ERC1: variants seen among roughly 807,000 people sequenced by gnomAD.
ERC1 encodes RAB6 interacting protein 2.
Under a neutral mutation model 132.0 loss-of-function variants are expected in ERC1, and 56 were observed. The observed-to-expected ratio is 0.42, with a 90% CI of 0.34 to 0.53. ERC1 has a LOEUF of 0.53. Among genes scored for constraint, ERC1 ranks in the 20% least tolerant of loss-of-function variants. ERC1 has a pLI of 0.03. For synonymous variants in ERC1, 478 were observed against 476.1 expected (o/e 1.00, Z -0.05); for missense variants, 1,202 against 1,349.9 (o/e 0.89, Z 1.72).
chr12:1,341,828 T>C (rs975862775), intron 15 of ERC1, among the ~76,000 whole-genome samples: 1 of 152,184 alleles, frequency 6.6e-6, no homozygotes, highest in Non-Finnish European at 1.5e-5. Context: ...AAAAGAAACT[T>C]GAAGCTTTGG....
At chr12:1,374,793 AG>A (rs1227773794) in intron 16 of ERC1, among the ~76,000 whole-genome samples, 4 of 147,480 alleles carry the variant, frequency 2.7e-5, no homozygotes, top group Admixed American at 2.7e-4. Flanking sequence ...GATGTGTTAT[AG>A]GCAGGCTGGG....
chr12:1,365,461 A>T lies in ERC1; in HGVS notation c.2781-6372A>T, dbSNP rs1007834972. ...GGTGCAGTTGGTTCAAGATACATTC[A>T]TTATGAGCCTACTCTGTGCTGGGAA... On this transcript the variant is annotated intron_variant, in intron 15 of 18. Transcript: ENST00000360905. 1.2e-4 allele frequency among the ~76,000 whole-genome samples: 18 copies of T among 152,354 alleles called. 1 individual carries two copies. The highest frequency in any genetic ancestry group is 4.3e-4 in the African/African-American group (18 of 41,582).
At position 1,266,391 on chromosome 12, in the gene ERC1, C is replaced by CTTTTTTTTTTTTTTTTTTTTTT. The variant is rs71293128; in HGVS notation, c.2619+3236_2619+3257dup. 4.7e-5 allele frequency among the ~76,000 whole-genome samples: 2 copies of CTTTTTTTTTTTTTTTTTTTTTT among 42,994 alleles called. 1 individual carries two copies. The allele number at this position is 42,994 out of a possible 152,430, so 28.2% of individuals were successfully genotyped here. On this transcript the variant is annotated intron_variant, in intron 14 of 18. Coordinates refer to ENST00000360905, the MANE Select transcript of ERC1 (RefSeq NM_178040.4). ...TATTATTATTTTTATCGTTTCCTGT[C>CTTTTTTTTTTTTTTTTTTTTTT]TTTTTTTTTTTTTTTTTTTTTTTTT...
chr12:1,317,570 A>G (rs1240278224), intron 15 of ERC1, among the ~76,000 whole-genome samples: 2 of 151,918 alleles, frequency 1.3e-5, no homozygotes, highest in Admixed American at 6.6e-5. Context: ...AGTAAATCCA[A>G]AAAAAAATTG....
At chr12:1,182,141 C>T in intron 10 of ERC1, 76 bp downstream of exon 10, 3 of 1,375,464 alleles carry the variant, frequency 2.2e-6, no homozygotes, top group Non-Finnish European at 3.0e-6. Flanking sequence ...TTACATAATG[C>T]ATATAAAAAA....
At chr12:1,046,091 G>T (rs1326566473) in intron 2 of ERC1, among the ~76,000 whole-genome samples, 1 of 152,102 alleles carries the variant, frequency 6.6e-6, no homozygotes, top group African/African-American at 2.4e-5. Context: ...CAGAAAAAAA[G>T]TGGGGGAGAC....
chr12:1,199,652 C>T (rs1002873208), intron 12 of ERC1, among the ~76,000 whole-genome samples: 11 of 152,092 alleles, frequency 7.2e-5, no homozygotes, highest in African/African-American at 2.2e-4. Context: ...GTGGCAGGCA[C>T]CTGTAATCCC....
chr12:1,182,325 G>C (rs1954572463), intron 10 of ERC1, among the ~76,000 whole-genome samples: 1 of 152,160 alleles, frequency 6.6e-6, no homozygotes, highest in African/African-American at 2.4e-5. Flanking sequence ...TAGACCTAAA[G>C]TAACTGAAGC....
In ERC1 at chr12:991,283, C is replaced by CCGGGCGGCGGCGG. The variant is rs1479155394; in HGVS notation, c.-196_-195insCGGGCGGCGGCGG. ...GCGGTAGTGGCGGCGGCGGCGGTGCCTGGGCGGCAGCAGCAGCAGTAGCGG... is the reference window on the plus strand; with the variant it reads ...GCGGTAGTGGCGGCGGCGGCGGTGCCCGGGCGGCGGCGGTGGGCGGCAGCAGCAGCAGTAGCGG... On this transcript the variant is annotated 5_prime_UTR_variant, in exon 1 of 19. Transcript: ENST00000360905. 1.1e-5 allele frequency: 1 copy of CCGGGCGGCGGCGG among 87,130 alleles called. No individual in the cohort carries two copies. The highest frequency in any genetic ancestry group is 2.1e-5 in the Non-Finnish European group (1 of 48,770). The allele number at this position is 87,130 out of a possible 1,614,324, so 5.4% of individuals were successfully genotyped here. A position where few individuals can be genotyped will look rare whatever the true frequency, so the allele number is the denominator to read the frequency against.
At chr12:1,058,013 T>G (rs1593004197) in intron 2 of ERC1, among the ~76,000 whole-genome samples, 2 of 152,238 alleles carry the variant, frequency 1.3e-5, no homozygotes, top group East Asian at 1.9e-4. Flanking sequence ...TTTTTTTGTT[T>G]TGTTTTGTTT....
rs1322495599 is a variant in ERC1 at position 1,280,604 on chromosome 12, T to A, written c.2620-9248T>A. Among the ~76,000 whole-genome samples, 3 of 152,180 alleles carry A rather than the reference T, an allele frequency of 2.0e-5. No individual in the cohort carries two copies. The East Asian group carries it at 5.8e-4, about 29-fold the overall frequency. ...GAAGAAATTATTATCCCCACAAGTA[T>A]CCACTCACCACCTCACATTGAGATA... On this transcript the variant is annotated intron_variant, in intron 14 of 18. Transcript: ENST00000360905.
At chr12:1,349,660 TAAAAAAAAAAA>T (rs57752848) in intron 15 of ERC1, among the ~76,000 whole-genome samples, 1 of 107,636 alleles carries the variant, frequency 9.3e-6, no homozygotes, top group Non-Finnish European at 2.0e-5. Flanking sequence ...TGAGACCGTC[TAAAAAAAAAAA>T]AAAAAAAAAG....
chr12:1,125,834 AAAAC>A (rs1316511697), intron 7 of ERC1, among the ~76,000 whole-genome samples: 8 of 152,234 alleles, frequency 5.3e-5, no homozygotes, highest in Non-Finnish European at 8.8e-5. Context: ...ACAAACAAAA[AAAAC>A]AAACAGTATT....
At chr12:1,420,439 T>A (rs909496780) in intron 17 of ERC1, among the ~76,000 whole-genome samples, 4 of 150,476 alleles carry the variant, frequency 2.7e-5, no homozygotes, top group East Asian at 1.9e-4. Flanking sequence ...GTTAAACTTT[T>A]TTTTATTTTA....
chr12:1,161,261 G>A (rs1593837877), intron 8 of ERC1, among the ~76,000 whole-genome samples: 1 of 152,142 alleles, frequency 6.6e-6, no homozygotes, highest in East Asian at 1.9e-4. Flanking sequence ...AGCCCTGTAT[G>A]AAAGGAGTCT....
chr12:1,485,357 A>G (rs111368120), intron 18 of ERC1, among the ~76,000 whole-genome samples: 2,489 of 151,654 alleles, frequency 0.016, 80 homozygotes, highest in African/African-American at 0.057. Flanking sequence ...GGCGCCCGCC[A>G]CCACGCCTGG....
rs1374083254 is a variant in ERC1 at position 1,225,450 on chromosome 12, ACACACACACACAC to A, written c.2352-11318_2352-11306del. On this transcript the variant is annotated intron_variant, in intron 12 of 18. Coordinates refer to ENST00000360905, the MANE Select transcript of ERC1 (RefSeq NM_178040.4). ...GGACAACAAAATGAGGCTGTCTCTT[ACACACACACACAC>A]ACACACACACACACACACACACACA... Among the ~76,000 whole-genome samples the A allele has an allele frequency of 1.3e-3, 67 of 50,828 alleles. 1 individual carries two copies. The highest frequency in any genetic ancestry group is 3.5e-3 in the African/African-American group (57 of 16,136). The allele number at this position is 50,828 out of a possible 152,430, so 33.3% of individuals were successfully genotyped here.
intron 3 of ERC1, among the ~76,000 whole-genome samples, chr12:1,101,073 C>A (rs1026653343): frequency 1.3e-5 from 2 of 152,082 alleles, no homozygotes; most frequent in Non-Finnish European, 1.5e-5. Flanking sequence ...AAGGATGCAT[C>A]ATGGGTGCTA....
intron 15 of ERC1, among the ~76,000 whole-genome samples, chr12:1,332,420 CAG>C (rs758658478): frequency 2.0e-5 from 3 of 152,128 alleles, no homozygotes; most frequent in Non-Finnish European, 2.9e-5. Flanking sequence ...TCTTTTATTT[CAG>C]AGGTTTTTCA....
Sources: allele counts gnomAD v4.1 joint callset (sites outside exome capture counted in the v4.1 genomes callset), GRCh38; gene constraint gnomAD v4.1.1; transcripts MANE v1.5; gene names NCBI Gene and HGNC (gene_info 2026-07-23, HGNC 2026-07-21).